PDE8B: variants seen among roughly 807,000 people sequenced by gnomAD.
The protein encoded by PDE8B is high affinity cAMP-specific and IBMX-insensitive 3',5'-cyclic phosphodiesterase 8B.
In PDE8B, 26 loss-of-function variants were observed where a neutral mutation model predicts 101.3. The observed-to-expected ratio is 0.26, with a 90% CI of 0.19 to 0.36. The LOEUF (loss-of-function observed/expected upper bound fraction) is 0.36, where lower values mean the gene tolerates loss of function less well. PDE8B is among the 10% of genes least tolerant of loss of function. PDE8B has a pLI of 1.00. For missense variants in PDE8B, 810 were observed against 1,163.1 expected (o/e 0.70, Z 4.42); for synonymous variants, 424 against 429.3 (o/e 0.99, Z 0.15).
chr5:77,181,916 G>T, the PDE8B span, among the ~76,000 whole-genome samples: 4 of 152,206 alleles, frequency 2.6e-5, no homozygotes, highest in Admixed American at 2.0e-4. Context: ...TAACCCAGCA[G>T]TTCGCATTGC....
At chr5:77,129,885 T>C in the PDE8B span, among the ~76,000 whole-genome samples, 2 of 152,204 alleles carry the variant, frequency 1.3e-5, no homozygotes, top group Non-Finnish European at 2.9e-5. Context: ...ATCTCGGTTC[T>C]GGGAAGCCAG....
At chr5:77,392,836 T>C (rs949767901) in intron 10 of PDE8B, among the ~76,000 whole-genome samples, 2 of 152,214 alleles carry the variant, frequency 1.3e-5, no homozygotes, top group African/African-American at 4.8e-5. Context: ...TCACAGGCTG[T>C]TGGAATCATC....
At chr5:77,248,025 G>A (rs527841147) in intron 1 of PDE8B, among the ~76,000 whole-genome samples, 9 of 152,300 alleles carry the variant, frequency 5.9e-5, no homozygotes, top group Admixed American at 2.0e-4. Context: ...ATAACAGCAC[G>A]TCTAAGCCAG....
the PDE8B span, among the ~76,000 whole-genome samples, chr5:77,094,275 C>T: frequency 1.3e-5 from 2 of 152,302 alleles, no homozygotes; most frequent in South Asian, 4.2e-4. Context: ...TCAATGCAGT[C>T]TTTCTTACAT....
rs80049996 is a variant in PDE8B, at chr5:77,220,744, G to T, written c.339+9480G>T. 3.3e-3 allele frequency among the ~76,000 whole-genome samples: 502 copies of T among 152,312 alleles called. 10 individuals carry two copies. Among genetic ancestry groups the T allele is most frequent in the Admixed American group, 0.024 (362 of 15,304 alleles). ...CATTTCTTTTGTATGGGTGTCCTTT[G>T]GGAGAAGCGGGTTTAATTAGAGGCT... On this transcript the variant is annotated intron_variant, in intron 1 of 21. Coordinates refer to ENST00000264917, the MANE Select transcript of PDE8B (RefSeq NM_003719.5).
chr5:77,197,227 T>G, the PDE8B span, among the ~76,000 whole-genome samples: 3 of 150,242 alleles, frequency 2.0e-5, no homozygotes, highest in South Asian at 6.4e-4. Flanking sequence ...TTCTCCTGCC[T>G]CACCCTCCCA....
intron 1 of PDE8B, among the ~76,000 whole-genome samples, chr5:77,234,020 C>CT (rs1395722945): frequency 6.6e-6 from 1 of 152,066 alleles, no homozygotes. Context: ...CTAGAGGTAA[C>CT]TTTAAGGGGC....
intron 10 of PDE8B, among the ~76,000 whole-genome samples, chr5:77,366,578 G>A (rs1238322023): frequency 6.6e-6 from 1 of 152,146 alleles, no homozygotes; most frequent in Non-Finnish European, 1.5e-5. Flanking sequence ...CTTCCTCTGT[G>A]CCTAAGAACC....
At chr5:77,419,501 T>C (rs868825830) in intron 18 of PDE8B, among the ~76,000 whole-genome samples, 1 of 152,198 alleles carries the variant, frequency 6.6e-6, no homozygotes, top group Non-Finnish European at 1.5e-5. Flanking sequence ...CCTTGTCAGA[T>C]AAACGTCCAC....
At chr5:77,202,667 C>T in the PDE8B span, among the ~76,000 whole-genome samples, 3 of 151,348 alleles carry the variant, frequency 2.0e-5, no homozygotes, top group Non-Finnish European at 2.9e-5. Context: ...GAGTCTCGCT[C>T]TCTTGCCCAG....
chr5:77,249,503 C>T (rs1279742729), intron 1 of PDE8B, among the ~76,000 whole-genome samples: 2 of 152,138 alleles, frequency 1.3e-5, no homozygotes, highest in East Asian at 3.9e-4. Context: ...GCTGTATCTA[C>T]CAAGTGGCAA....
At chr5:77,109,933 T>TG in the PDE8B span, among the ~76,000 whole-genome samples, 4 of 91,594 alleles carry the variant, frequency 4.4e-5, no homozygotes, top group African/African-American at 1.7e-4. Context: ...TTCAGTTTTT[T>TG]TTTTTTTTTT....
At chr5:77,395,588 C>T (rs1025641031) in intron 10 of PDE8B, among the ~76,000 whole-genome samples, 5 of 151,928 alleles carry the variant, frequency 3.3e-5, no homozygotes, top group African/African-American at 1.2e-4. Context: ...TTGCCATTCC[C>T]TATGCTCTTG....
chr5:77,409,570 G>C (rs1262490126), intron 14 of PDE8B, among the ~76,000 whole-genome samples: 1 of 152,080 alleles, frequency 6.6e-6, no homozygotes, highest in Admixed American at 6.5e-5. Flanking sequence ...GGGAGGGGAA[G>C]GGGAGAAGGA....
chr5:77,237,655 C>T (rs1034888816), intron 1 of PDE8B, among the ~76,000 whole-genome samples: 3 of 152,146 alleles, frequency 2.0e-5, no homozygotes, highest in African/African-American at 7.2e-5. Context: ...GAATAATCTA[C>T]TATAGTTACC....
At chr5:77,315,046 G>A (rs1422433006) in intron 2 of PDE8B, among the ~76,000 whole-genome samples, 3 of 152,016 alleles carry the variant, frequency 2.0e-5, no homozygotes, top group Non-Finnish European at 4.4e-5. Context: ...TTATTGAGTT[G>A]TATGAGTTCT....
the PDE8B span, among the ~76,000 whole-genome samples, chr5:77,123,832 G>A: frequency 1.3e-5 from 2 of 152,212 alleles, no homozygotes; most frequent in African/African-American, 4.8e-5. Context: ...TTCAAGGAAA[G>A]AATAGTTCTG....
At chr5:77,118,598 GGT>G in the PDE8B span, 27 of 389,512 alleles carry the variant, frequency 6.9e-5, no homozygotes, top group African/African-American at 5.4e-4. Flanking sequence ...GTTTGAACTT[GGT>G]GTGAATGACC....
rs558389827 is a variant in PDE8B, at chr5:77,401,764, T to C, written c.1210+1474T>C. Among the ~76,000 whole-genome samples the C allele has an allele frequency of 4.6e-5, 7 of 152,350 alleles. No homozygotes were observed. In the East Asian group the frequency reaches 1.3e-3, roughly 29 times the overall value. ...TTCTCTGGCTTAAGTTTCTAATTCA[T>C]GTAAACATCTGTTGAAAGAATGACA... is the stretch of plus-strand genomic sequence containing the variant. On this transcript the variant is annotated intron_variant, in intron 11 of 21. Coordinates refer to ENST00000264917, the MANE Select transcript of PDE8B (RefSeq NM_003719.5).
Sources: allele counts gnomAD v4.1 joint callset (sites outside exome capture counted in the v4.1 genomes callset), GRCh38; gene constraint gnomAD v4.1.1; transcripts MANE v1.5; gene names NCBI Gene and HGNC (gene_info 2026-07-23, HGNC 2026-07-21).